The following VWF variants were observed in gnomAD, a reference collection of about 807,000 sequenced individuals.
The protein encoded by VWF is von Willebrand factor, also known as Factor VIII related antigen.
Under a neutral mutation model 308.6 loss-of-function variants are expected in VWF, and 176 were observed. The ratio of observed to expected loss-of-function variants is 0.57; its 90% CI spans 0.50 to 0.65. VWF has a LOEUF of 0.65. Among genes scored for constraint, VWF ranks in the 30% least tolerant of loss-of-function variants. The pLI is 0.00. For missense variants in VWF, 3,146 were observed against 3,648.2 expected (o/e 0.86, Z 3.55); for synonymous variants, 1,385 against 1,443.4 (o/e 0.96, Z 0.92).
intron 19 of VWF, among the ~76,000 whole-genome samples, chr12:6,035,477 G>A (rs1944325655): frequency 6.6e-6 from 1 of 152,178 alleles, no homozygotes; most frequent in Admixed American, 6.5e-5. Flanking sequence ...TCAAGCCCAA[G>A]AGACAGCCCT....
At chr12:5,974,044 G>C (rs1427367413) in intron 43 of VWF, among the ~76,000 whole-genome samples, 1 of 152,212 alleles carries the variant, frequency 6.6e-6, no homozygotes, top group Non-Finnish European at 1.5e-5. Context: ...TGTTTCTGCA[G>C]ACTGTGGCTT....
chr12:6,101,959 G>A lies in VWF; in HGVS notation c.533-6375C>T, dbSNP rs147239992. Among the ~76,000 whole-genome samples the A allele has an allele frequency of 1.2e-3, 190 of 152,232 alleles. 2 individuals are homozygous for A. In the East Asian group the frequency reaches 0.026, roughly 21 times the overall value. The stretch of plus-strand genomic sequence containing the variant: ...GCTTTTTAGAAAATTAAGCTTTTGG[G>A]TCATGTCCAAATGACAGACAGAACA... On this transcript the variant is annotated intron_variant, in intron 5 of 51. Coordinates refer to ENST00000261405, the MANE Select transcript of VWF (RefSeq NM_000552.5).
At chr12:6,096,560 T>C (rs1945107867) in intron 5 of VWF, among the ~76,000 whole-genome samples, 1 of 152,260 alleles carries the variant, frequency 6.6e-6, no homozygotes, top group African/African-American at 2.4e-5. Flanking sequence ...CTCTAAATTC[T>C]TATACAGTGG....
chr12:6,057,867 C>A lies in VWF; in HGVS notation c.1711G>T (p.Ala571Ser). The A allele has an allele frequency of 6.2e-7, 1 of 1,609,470 alleles. No individual in the cohort carries two copies. Among genetic ancestry groups the A allele is most frequent in the Non-Finnish European group, 8.5e-7 (1 of 1,177,810 alleles). The change falls in exon 14 of 52, where the codon GCC becomes TCC. Residue 571 changes from alanine (A) to serine (S), a missense_variant. Coordinates refer to ENST00000261405, the MANE Select transcript of VWF (RefSeq NM_000552.5). ...CACATACTCATGCGCGGGTTGAGGG[C>A]GCAGGGATCGCTGTGCTGCTTCTGC... ...DLQKQHSDPC[A>S]LNPRMTRFSE... is the part of the protein sequence containing the mutation.
chr12:5,970,325 T>C (rs1943458295), intron 44 of VWF, among the ~76,000 whole-genome samples: 1 of 152,086 alleles, frequency 6.6e-6, no homozygotes, highest in Non-Finnish European at 1.5e-5. Flanking sequence ...TTAGGTAAGA[T>C]GGAGACTTGA....
At chr12:6,036,187 T>C (rs1048430827) in intron 19 of VWF, among the ~76,000 whole-genome samples, 3 of 152,344 alleles carry the variant, frequency 2.0e-5, no homozygotes, top group Admixed American at 2.0e-4. Flanking sequence ...TGTTGAATAG[T>C]GTCTATGCAG....
chr12:6,059,826 A>G (rs1256360783), intron 13 of VWF, among the ~76,000 whole-genome samples: 1 of 152,252 alleles, frequency 6.6e-6, no homozygotes, highest in Non-Finnish European at 1.5e-5. Flanking sequence ...AAATGAATGA[A>G]TAAGTAAGTG....
rs1214425511 is a variant in VWF, at chr12:6,023,776, C to T, written c.3234G>A (p.Glu1078=). The change falls in exon 25 of 52, where the codon GAG becomes GAA. Residue 1078 remains glutamate (E), a synonymous_variant. Transcript: ENST00000261405. ...CGTAAATGCAGACATCCAGATATGG[C>T]TCGGGGTCCACCTGCAAAGGCAGCC... The part of the protein sequence containing the change: ...FQDCNKLVDP[E]PYLDVCIYDT... The T allele has an allele frequency of 6.2e-7, 1 of 1,612,504 alleles. No homozygotes were observed. The highest frequency in any genetic ancestry group is 1.1e-5 in the South Asian group (1 of 90,870).
intron 42 of VWF, among the ~76,000 whole-genome samples, chr12:5,978,944 G>A (rs1402390286): frequency 1.3e-5 from 2 of 152,152 alleles, no homozygotes; most frequent in African/African-American, 2.4e-5. Flanking sequence ...AGAAAGCTAC[G>A]AAAGACTCAT....
chr12:6,085,599 T>G (rs924347646), intron 6 of VWF, among the ~76,000 whole-genome samples: 1 of 152,040 alleles, frequency 6.6e-6, no homozygotes, highest in African/African-American at 2.4e-5. Context: ...GCTTGGGTGC[T>G]AGGTCCTTAT....
At chr12:5,985,744 C>T in intron 38 of VWF, 79 bp from the exon 39 acceptor site, 2 of 1,372,590 alleles carry the variant, frequency 1.5e-6, no homozygotes, top group Non-Finnish European at 2.0e-6. Flanking sequence ...TCAGCTCTCC[C>T]TGCCTCCGGC....
At chr12:6,080,907 G>A (rs536504720) in intron 6 of VWF, among the ~76,000 whole-genome samples, 2 of 152,254 alleles carry the variant, frequency 1.3e-5, no homozygotes, top group South Asian at 2.1e-4. Flanking sequence ...AAACGGCTCC[G>A]TGTGCCCTCT....
Position 6,031,593 on chromosome 12 carries a change from G to A in VWF, c.2686-15C>T. 2 of 1,613,990 alleles carry A rather than the reference G, an allele frequency of 1.2e-6. No homozygotes were observed. Among genetic ancestry groups the A allele is most frequent in the Non-Finnish European group, 1.7e-6 (2 of 1,179,980 alleles). On this transcript the variant is annotated splice_polypyrimidine_tract_variant and intron_variant, in intron 20 of 51. Coordinates refer to ENST00000261405, the MANE Select transcript of VWF (RefSeq NM_000552.5). ...CCGCAGTAATCCTGGGGAAAGAGGA[G>A]TGCCAGGAGAAGACCATTATCCCCA...
intron 34 of VWF, among the ~76,000 whole-genome samples, chr12:6,001,665 T>C (rs565513983): frequency 1.3e-5 from 2 of 152,220 alleles, no homozygotes; most frequent in Admixed American, 6.5e-5. Context: ...TAGACATCCC[T>C]TTCAGAACCA....
intron 47 of VWF, among the ~76,000 whole-genome samples, chr12:5,964,286 G>GCATACATACATACATA (rs1200667270): frequency 7.4e-6 from 1 of 134,764 alleles, no homozygotes; most frequent in Admixed American, 7.1e-5. Context: ...ATACATACAT[G>GCATACATACATACATA]CATACATACA....
intron 36 of VWF, 56 bp from the exon 37 acceptor site, chr12:5,994,259 C>A: frequency 6.2e-7 from 1 of 1,605,900 alleles, no homozygotes; most frequent in South Asian, 1.1e-5. Context: ...GGTACAAAAA[C>A]ATTGATGCCA....
At chr12:5,963,646 G>T in intron 47 of VWF, among the ~76,000 whole-genome samples, 1 of 152,290 alleles carries the variant, frequency 6.6e-6, no homozygotes, top group Middle Eastern at 3.4e-3. Context: ...CACAGAGGAG[G>T]TAAGTTCAGC....
intron 51 of VWF, 114 bp from the exon 52 acceptor site, chr12:5,949,317 A>T (rs932445729): frequency 9.0e-7 from 1 of 1,111,420 alleles, no homozygotes; most frequent in African/African-American, 1.5e-5. Context: ...GGCAGGTCTG[A>T]TCTCACCCAG....
chr12:5,961,670 A>G (rs1211453700), intron 47 of VWF, among the ~76,000 whole-genome samples: 1 of 152,000 alleles, frequency 6.6e-6, no homozygotes, highest in Non-Finnish European at 1.5e-5. Flanking sequence ...AAATATAAAA[A>G]CTGATTTTAT....
Sources: gnomAD v4.1 joint callset for allele counts (sites outside exome capture counted in the v4.1 genomes callset) on GRCh38, gnomAD v4.1.1 for gene constraint, MANE v1.5 for transcripts, NCBI Gene and HGNC (gene_info 2026-07-23, HGNC 2026-07-21) for gene names.